B3GAT2: variants seen among roughly 807,000 people sequenced by gnomAD.
B3GAT2 encodes galactosylgalactosylxylosylprotein 3-beta-glucuronosyltransferase 2.
A neutral mutation model predicts 27.8 loss-of-function variants in B3GAT2; 26 were observed. The observed-to-expected ratio is 0.93, with a 90% CI of 0.68 to 1.30. The LOEUF (loss-of-function observed/expected upper bound fraction) is 1.30, where lower values mean the gene tolerates loss of function less well. Among genes scored for constraint, B3GAT2 ranks in the 50% most tolerant of loss-of-function variants. The pLI is 0.00. For missense variants in B3GAT2, 458 were observed against 459.0 expected (o/e 1.00, Z 0.02); for synonymous variants, 218 against 195.1 (o/e 1.12, Z -0.98).
At chr6:70,913,349 T>C (rs1018336925) in intron 1 of B3GAT2, among the ~76,000 whole-genome samples, 1 of 152,220 alleles carries the variant, frequency 6.6e-6, no homozygotes, top group African/African-American at 2.4e-5. Context: ...GCAGAGATTT[T>C]GGTATATTTT....
chr6:70,879,919 G>A (rs1439379729), intron 2 of B3GAT2, among the ~76,000 whole-genome samples: 3 of 152,178 alleles, frequency 2.0e-5, no homozygotes, highest in Non-Finnish European at 4.4e-5. Flanking sequence ...GCCCAACCAT[G>A]CAGGGCCTGG....
chr6:70,871,890 T>C (rs778391565), intron 2 of B3GAT2, among the ~76,000 whole-genome samples: 11 of 151,966 alleles, frequency 7.2e-5, no homozygotes, highest in Non-Finnish European at 1.2e-4. Flanking sequence ...GGTTTTCATA[T>C]GTTGTTTTTC....
chr6:70,955,787 C>A (rs529749468), intron 1 of B3GAT2, 52 bp downstream of exon 1: 3 of 1,499,324 alleles, frequency 2.0e-6, no homozygotes, highest in Non-Finnish European at 1.8e-6. Flanking sequence ...CCCGGCCGGC[C>A]CGGAGGCCCA....
chr6:70,895,495 ATTTTTTTTTTTTTTT>A (rs59066944), intron 1 of B3GAT2, among the ~76,000 whole-genome samples: 3 of 76,614 alleles, frequency 3.9e-5, no homozygotes, highest in East Asian at 4.3e-4. Context: ...CAAAAAGGGG[ATTTTTTTTTTTTTTT>A]TTTTTTTTTT....
At chr6:70,923,260 A>G (rs1772901029) in intron 1 of B3GAT2, among the ~76,000 whole-genome samples, 1 of 152,208 alleles carries the variant, frequency 6.6e-6, no homozygotes, top group Non-Finnish European at 1.5e-5. Flanking sequence ...AACTGCATCA[A>G]GTAAATTCTA....
chr6:70,895,799 A>G (rs1464206438), intron 1 of B3GAT2, among the ~76,000 whole-genome samples: 1 of 151,450 alleles, frequency 6.6e-6, no homozygotes, highest in Non-Finnish European at 1.5e-5. Flanking sequence ...ATGAACTGCA[A>G]CTGTCTTGTG....
At chr6:70,949,365 A>C (rs1003198809) in intron 1 of B3GAT2, among the ~76,000 whole-genome samples, 2 of 152,224 alleles carry the variant, frequency 1.3e-5, no homozygotes, top group Admixed American at 6.5e-5. Context: ...ACAAGAAAAA[A>C]CAAACAACCC....
chr6:70,921,881 T>C (rs1335264963), intron 1 of B3GAT2, among the ~76,000 whole-genome samples: 1 of 152,232 alleles, frequency 6.6e-6, no homozygotes, highest in Non-Finnish European at 1.5e-5. Flanking sequence ...TCATCACTCA[T>C]GGGCTATGTG....
In B3GAT2 at chr6:70,894,225, A is replaced by C; in HGVS notation, c.639T>G (p.Gly213=). Residue 213 remains glycine, a synonymous_variant, in exon 2 of 4, where the codon GGT becomes GGG. Transcript: ENST00000230053. The part of the protein sequence containing the change: ...KVSVWPVGLV[G]GRRYERPLVE... Reference sequence around the variant, plus strand: ...CCAGCGGACGTTCGTAGCGCCGCCCACCAACCAGGCCCACAGGCCAGACGG... The same window carrying C: ...CCAGCGGACGTTCGTAGCGCCGCCCCCCAACCAGGCCCACAGGCCAGACGG... 1 of 1,613,712 alleles carries C rather than the reference A, an allele frequency of 6.2e-7. No individual in the cohort carries two copies.
intron 2 of B3GAT2, among the ~76,000 whole-genome samples, chr6:70,881,326 C>A (rs779233791): frequency 1.2e-4 from 19 of 152,150 alleles, no homozygotes; most frequent in Admixed American, 2.6e-4. Context: ...AGAATGAACT[C>A]TAGAAATTTT....
At position 70,956,739 on chromosome 6, in the gene B3GAT2, A is replaced by C. The variant is rs564359077; in HGVS notation, c.-310T>G. On this transcript the variant is annotated 5_prime_UTR_variant, in exon 1 of 4. Coordinates refer to ENST00000230053, the MANE Select transcript of B3GAT2 (RefSeq NM_080742.3). ...CGCCGCCGGTCCCGGAGTTGTGCCG[A>C]GTGCGGGAAAGGCGCTGATCCCCAC... 3.1e-6 allele frequency: 4 copies of C among 1,282,368 alleles called. No homozygotes were observed. In the African/African-American group the frequency reaches 6.4e-5, roughly 20 times the overall value. The allele number at this position is 1,282,368 out of a possible 1,614,324, so 79.4% of individuals were successfully genotyped here.
chr6:70,914,764 T>TA (rs1167500578), intron 1 of B3GAT2, among the ~76,000 whole-genome samples: 1 of 151,888 alleles, frequency 6.6e-6, no homozygotes, highest in African/African-American at 2.4e-5. Flanking sequence ...GAATAACTTT[T>TA]TTTTTAACCA....
intron 2 of B3GAT2, among the ~76,000 whole-genome samples, chr6:70,869,610 T>C (rs547137675): frequency 6.6e-6 from 1 of 152,362 alleles, no homozygotes; most frequent in African/African-American, 2.4e-5. Context: ...TATAGTTTCC[T>C]GTGTAAGTCA....
chr6:70,925,521 C>T (rs1477537003), intron 1 of B3GAT2, among the ~76,000 whole-genome samples: 1 of 152,212 alleles, frequency 6.6e-6, no homozygotes, highest in Non-Finnish European at 1.5e-5. Flanking sequence ...CTCGGCGGTT[C>T]CCACACCTAT....
At chr6:70,947,399 A>T (rs1226448335) in intron 1 of B3GAT2, among the ~76,000 whole-genome samples, 1 of 152,226 alleles carries the variant, frequency 6.6e-6, no homozygotes, top group Non-Finnish European at 1.5e-5. Flanking sequence ...TAAAGGGGAT[A>T]TCACCACCGA....
Position 70,956,574 on chromosome 6 carries a change from G to T in B3GAT2, c.-145C>A, listed in dbSNP as rs559736877. 1 of 1,458,696 alleles carries T rather than the reference G, an allele frequency of 6.9e-7. No homozygotes were observed. The highest frequency in any genetic ancestry group is 9.0e-7 in the Non-Finnish European group (1 of 1,111,830). The allele number at this position is 1,458,696 out of a possible 1,614,324, so 90.4% of individuals were successfully genotyped here. A position where few individuals can be genotyped will look rare whatever the true frequency, so the allele number is the denominator to read the frequency against. The stretch of plus-strand genomic sequence containing the variant: ...GGGGCCGAGGGCGCTGCAGAGACCT[G>T]GAGCCGCGGGGCTCACTACCTGGGC... On this transcript the variant is annotated 5_prime_UTR_variant, in exon 1 of 4. Transcript: ENST00000230053.
chr6:70,890,105 A>G (rs1274233882), intron 2 of B3GAT2, among the ~76,000 whole-genome samples: 2 of 152,012 alleles, frequency 1.3e-5, no homozygotes, highest in African/African-American at 4.8e-5. Context: ...TGCTCAGACC[A>G]TTCTGCTTCC....
At chr6:70,919,280 G>A (rs1012939961) in intron 1 of B3GAT2, among the ~76,000 whole-genome samples, 1 of 152,072 alleles carries the variant, frequency 6.6e-6, no homozygotes, top group African/African-American at 2.4e-5. Flanking sequence ...ACTGGTTATT[G>A]TATTCTAGTT....
Position 70,956,184 on chromosome 6 carries a change from G to C in B3GAT2, c.246C>G (p.Ile82Met). The part of the protein sequence containing the change: ...QPQPEPQLPT[I>M]YAITPTYSRP... The stretch of plus-strand genomic sequence containing the variant: ...GGCTGTAGGTGGGCGTGATGGCATA[G>C]ATGGTGGGCAGCTGCGGCTCCGGCT... The change falls in exon 1 of 4, where the codon ATC (isoleucine) becomes ATG (methionine). Residue 82 changes from isoleucine (I) to methionine (M), a missense_variant. By Grantham distance (10) the Ile-to-Met change is conservative (BLOSUM62 1). Transcript: ENST00000230053. 1 of 1,611,658 alleles carries C rather than the reference G, an allele frequency of 6.2e-7. No homozygotes were observed. The highest frequency in any genetic ancestry group is 8.5e-7 in the Non-Finnish European group (1 of 1,178,740).
Sources: gnomAD v4.1 joint callset for allele counts (sites outside exome capture counted in the v4.1 genomes callset) on GRCh38, gnomAD v4.1.1 for gene constraint, MANE v1.5 for transcripts, NCBI Gene and HGNC (gene_info 2026-07-23, HGNC 2026-07-21) for gene names.